The following NXNL2 variants were observed in gnomAD, a reference collection of about 807,000 sequenced individuals.
NXNL2 encodes the protein nucleoredoxin like 2, also known as nucleoredoxin-like protein 2.
Under a neutral mutation model 11.1 loss-of-function variants are expected in NXNL2, and 7 were observed. The observed-to-expected ratio is 0.63, with a 90% confidence interval of 0.36 to 1.18. The LOEUF (loss-of-function observed/expected upper bound fraction) is 1.18, where lower values mean the gene tolerates loss of function less well. Among genes scored for constraint, NXNL2 ranks in the 50% most tolerant of loss-of-function variants. NXNL2 has a pLI of 0.02. For synonymous variants in NXNL2, 109 were observed against 101.8 expected (o/e 1.07, Z -0.42); for missense variants, 233 against 217.7 (o/e 1.07, Z -0.44).
At chr9:88,541,253 C>T (rs1829754325) in intron 1 of NXNL2, among the ~76,000 whole-genome samples, 1 of 148,006 alleles carries the variant, frequency 6.8e-6, no homozygotes, top group Non-Finnish European at 1.5e-5. Context: ...TTTTTCCTTG[C>T]TCAATCTCAG....
Position 88,544,375 on chromosome 9 carries a change from G to T in NXNL2, c.303-4G>T, listed in dbSNP as rs1342902912. 6.4e-7 allele frequency: 1 copy of T among 1,551,396 alleles called. No individual in the cohort carries two copies. The highest frequency in any genetic ancestry group is 8.7e-7 in the Non-Finnish European group (1 of 1,146,598). On this transcript the variant is annotated splice_region_variant and splice_polypyrimidine_tract_variant and intron_variant, in intron 1 of 1. Coordinates refer to ENST00000375854, the MANE Select transcript of NXNL2 (RefSeq NM_001161625.2). ...AACTTCGGTACCACTCTTCTGTCCT[G>T]CAGTGAGCTGAGGAAGAGGTACAAC...
At position 88,537,722 on chromosome 9, in the gene NXNL2, G is replaced by A. The variant is rs905336474; in HGVS notation, c.302+1986G>A. On this transcript the variant is annotated intron_variant, in intron 1 of 1. Transcript: ENST00000375854. Reference sequence around the variant, plus strand: ...CATGCCTTGCTCCAACTCTCCGGGGGTTTCCTGAGTTTCCATTGCCCACAG... The same window carrying A: ...CATGCCTTGCTCCAACTCTCCGGGGATTTCCTGAGTTTCCATTGCCCACAG... Among the ~76,000 whole-genome samples, 40 of 152,206 alleles carry A rather than the reference G, an allele frequency of 2.6e-4. 1 individual carries two copies. The highest frequency in any genetic ancestry group is 9.4e-4 in the African/African-American group (39 of 41,454).
intron 1 of NXNL2, among the ~76,000 whole-genome samples, chr9:88,581,395 G>A (rs1245917553): frequency 6.6e-6 from 1 of 151,974 alleles, no homozygotes; most frequent in African/African-American, 2.4e-5. Flanking sequence ...GGGGAGTTTG[G>A]CAATAGTGAG....
chr9:88,554,995 A>T (rs1484971176), intron 1 of NXNL2, among the ~76,000 whole-genome samples: 1 of 152,144 alleles, frequency 6.6e-6, no homozygotes, highest in Non-Finnish European at 1.5e-5. Context: ...CCAATCACTG[A>T]TCTTGGTTAT....
At chr9:88,572,173 T>G (rs1022195928) in intron 2 of NXNL2, among the ~76,000 whole-genome samples, 5 of 152,200 alleles carry the variant, frequency 3.3e-5, no homozygotes, top group Non-Finnish European at 7.3e-5. Flanking sequence ...CTAGAACCTT[T>G]AACACTTTTG....
chr9:88,535,191 G>A lies in NXNL2; in HGVS notation c.-244G>A. On this transcript the variant is annotated 5_prime_UTR_variant, in exon 1 of 2. Transcript: ENST00000375854. ...GGCCCCGCTCCCAGAGGCGGGTGCC[G>A]CGCTGTCGCCCAGGTATCTGGGGTC... 2 of 524,324 alleles carry A rather than the reference G, an allele frequency of 3.8e-6. No individual in the cohort carries two copies. Among genetic ancestry groups the A allele is most frequent in the South Asian group, 2.7e-5 (1 of 36,910 alleles). The allele number at this position is 524,324 out of a possible 1,614,324, so 32.5% of individuals were successfully genotyped here.
chr9:88,541,908 C>T (rs1179523952), intron 1 of NXNL2, among the ~76,000 whole-genome samples: 1 of 152,088 alleles, frequency 6.6e-6, no homozygotes, highest in Admixed American at 6.5e-5. Context: ...ATATAACATA[C>T]AGTTAGTTTT....
chr9:88,537,610 C>A (rs545590737), intron 1 of NXNL2, among the ~76,000 whole-genome samples: 1 of 152,302 alleles, frequency 6.6e-6, no homozygotes, highest in East Asian at 1.9e-4. Context: ...GTTGGAGCTA[C>A]GCCCTAAATT....
At chr9:88,574,648 A>G (rs764247520) in intron 2 of NXNL2, among the ~76,000 whole-genome samples, 1 of 152,216 alleles carries the variant, frequency 6.6e-6, no homozygotes, top group African/African-American at 2.4e-5. Flanking sequence ...CAGGAATTTC[A>G]GTAAGAAATA....
At chr9:88,556,923 A>G (rs960503967) in intron 1 of NXNL2, among the ~76,000 whole-genome samples, 1 of 150,626 alleles carries the variant, frequency 6.6e-6, no homozygotes, top group Non-Finnish European at 1.5e-5. Context: ...TAAAAAATGC[A>G]AAAAAAAATT....
rs369072859 is a variant in NXNL2, at chr9:88,535,675, G to C, written c.241G>C (p.Asp81His). 15 of 1,605,282 alleles carry C rather than the reference G, an allele frequency of 9.3e-6. No homozygotes were observed. The African/African-American group carries it at 1.9e-4, about 20-fold the overall frequency. The change falls in exon 1 of 2, where the codon GAC (aspartate) becomes CAC (histidine). Residue 81 changes from aspartate to histidine, a missense_variant. Transcript: ENST00000375854. ...CGACGGCAGCTCCCAGGAGATGCTG[G>C]ACTTCATGCGCGAGCTGCATGGCGC... The part of the protein sequence containing the change: ...SADGSSQEML[D>H]FMRELHGAWL...
chr9:88,547,764 C>T (rs1277012357), downstream of NXNL2, among the ~76,000 whole-genome samples: 1 of 152,182 alleles, frequency 6.6e-6, no homozygotes, highest in Non-Finnish European at 1.5e-5. Context: ...TGCCTATAAT[C>T]CCAGCACTTC....
intron 1 of NXNL2, among the ~76,000 whole-genome samples, chr9:88,550,715 G>A (rs1238726220): frequency 6.6e-6 from 1 of 152,188 alleles, no homozygotes; most frequent in African/African-American, 2.4e-5. Flanking sequence ...TTAGTAGGAA[G>A]AAATTTGGAA....
chr9:88,551,029 C>G (rs781666616), intron 1 of NXNL2, among the ~76,000 whole-genome samples: 1 of 152,064 alleles, frequency 6.6e-6, no homozygotes, highest in Non-Finnish European at 1.5e-5. Flanking sequence ...CCATGCTTGT[C>G]GGGGGTGGCA....
intron 1 of NXNL2, among the ~76,000 whole-genome samples, chr9:88,558,328 G>A (rs1830044745): frequency 6.6e-6 from 1 of 152,154 alleles, no homozygotes; most frequent in African/African-American, 2.4e-5. Flanking sequence ...GAGATTCCTG[G>A]AGGGTGGTGT....
At chr9:88,565,666 C>T (rs9411012) in intron 1 of NXNL2, among the ~76,000 whole-genome samples, 152,263 of 152,280 alleles carry the variant, frequency 1, 76,123 homozygotes, top group Middle Eastern at 1. Context: ...GCCTCCTGAG[C>T]AGCTGGGATT....
In NXNL2 at chr9:88,535,310, T is replaced by C. The variant is rs1829578613; in HGVS notation, c.-125T>C. 1.0e-6 allele frequency: 1 copy of C among 976,872 alleles called. No individual in the cohort carries two copies. Among genetic ancestry groups the C allele is most frequent in the Non-Finnish European group, 1.5e-6 (1 of 682,770 alleles). 60.5% of individuals were successfully genotyped at this position (976,872 alleles called of 1,614,324 possible). On this transcript the variant is annotated 5_prime_UTR_variant, in exon 1 of 2. Coordinates refer to ENST00000375854, the MANE Select transcript of NXNL2 (RefSeq NM_001161625.2). The stretch of plus-strand genomic sequence containing the variant: ...GGTGTGGGCGCATCTGGGGCAGGTC[T>C]TGAGAGGTCCAGCGCCCGGTGGTGC...
At chr9:88,582,971 C>T (rs571220050) in intron 1 of NXNL2, among the ~76,000 whole-genome samples, 21 of 152,296 alleles carry the variant, frequency 1.4e-4, no homozygotes, top group South Asian at 8.3e-4. Flanking sequence ...CCTGGCCCAA[C>T]GATACCCCTT....
At chr9:88,537,182 G>T (rs992676332) in intron 1 of NXNL2, among the ~76,000 whole-genome samples, 2 of 152,190 alleles carry the variant, frequency 1.3e-5, no homozygotes, top group Admixed American at 6.5e-5. Flanking sequence ...GTGTCCGCTG[G>T]TTATGTCCCA....
Sources: gnomAD v4.1 joint callset for allele counts (sites outside exome capture counted in the v4.1 genomes callset) on GRCh38, gnomAD v4.1.1 for gene constraint, MANE v1.5 for transcripts, NCBI Gene and HGNC (gene_info 2026-07-23, HGNC 2026-07-21) for gene names.